The following PCDHB2 variants were observed in gnomAD, a reference collection of about 807,000 sequenced individuals.
PCDHB2 encodes the protein protocadherin beta 2.
For synonymous variants in PCDHB2, 395 were observed against 464.9 expected (o/e 0.85, Z 1.93); for missense variants, 914 against 1,023.1 (o/e 0.89, Z 1.45).
Position 141,096,994 on chromosome 5 carries a change from C to T in PCDHB2, c.2204C>T (p.Pro735Leu), listed in dbSNP as rs1751848095. ...GRCSVPEGPF[P>L]GQMVDVSGTG... is the part of the protein sequence containing the mutation. ...TGCTCGGTGCCCGAGGGCCCCTTTCCAGGGCAGATGGTGGACGTGAGCGGC... is the reference window on the plus strand; with the variant it reads ...TGCTCGGTGCCCGAGGGCCCCTTTCTAGGGCAGATGGTGGACGTGAGCGGC... The change falls in exon 1 of 1, where the codon CCA becomes CTA. Residue 735 changes from proline to leucine, a missense_variant. By Grantham distance (98) the Pro-to-Leu change is moderately conservative. Transcript: ENST00000194155. The T allele has an allele frequency of 1.2e-6, 2 of 1,613,324 alleles. No homozygotes were observed. Among genetic ancestry groups the T allele is most frequent in the Admixed American group, 1.7e-5 (1 of 59,992 alleles).
Position 141,095,909 on chromosome 5 carries a change from A to G in PCDHB2, c.1119A>G (p.Ser373=). 2.5e-6 allele frequency: 4 copies of G among 1,614,158 alleles called. No homozygotes were observed. Among genetic ancestry groups the G allele is most frequent in the Non-Finnish European group, 3.4e-6 (4 of 1,180,012 alleles). Residue 373 remains serine (S), a synonymous_variant, in exon 1 of 1, where the codon TCA becomes TCG. Transcript: ENST00000194155. ...CCCTCATTGCTGTATTCAGCGTTTCAGATCCTGACTCCGGAGACAACGGAA... is the reference window on the plus strand; with the variant it reads ...CCCTCATTGCTGTATTCAGCGTTTCGGATCCTGACTCCGGAGACAACGGAA... ...QDTLIAVFSV[S]DPDSGDNGRM... is the part of the protein sequence containing the mutation.
chr5:141,095,439 C>T lies in PCDHB2; in HGVS notation c.649C>T (p.Leu217=), dbSNP rs782024996. The T allele has an allele frequency of 1.2e-6, 2 of 1,614,132 alleles. No homozygotes were observed. Among genetic ancestry groups the T allele is most frequent in the Admixed American group, 3.3e-5 (2 of 60,034 alleles). Reference sequence around the variant, plus strand: ...TGAGATCAGGTTAACCCTCACAGCGCTAGATGGCGGGAGTCCACCCAGGTC... The same window carrying T: ...TGAGATCAGGTTAACCCTCACAGCGTTAGATGGCGGGAGTCCACCCAGGTC... ...QPEIRLTLTA[L]DGGSPPRSGT... The change falls in exon 1 of 1, where the codon CTA becomes TTA. Residue 217 remains leucine, a synonymous_variant. Transcript: ENST00000194155.
chr5:141,095,891 T>G lies in PCDHB2; in HGVS notation c.1101T>G (p.Ile367Met). 6.2e-7 allele frequency: 1 copy of G among 1,614,096 alleles called. No homozygotes were observed. Among genetic ancestry groups the G allele is most frequent in the Non-Finnish European group, 8.5e-7 (1 of 1,179,976 alleles). The stretch of plus-strand genomic sequence containing the variant: ...CAGAAAACTTGCAGGACACCCTCAT[T>G]GCTGTATTCAGCGTTTCAGATCCTG... ...QIPENLQDTLIAVFSVSDPDS... is the reference protein window; with the variant it reads ...QIPENLQDTLMAVFSVSDPDS... Residue 367 changes from isoleucine to methionine, a missense_variant, in exon 1 of 1, where the codon ATT becomes ATG. Ile to Met is a conservative substitution (Grantham distance 10, BLOSUM62 1). Transcript: ENST00000194155.
rs1751868329 is a variant in PCDHB2, at chr5:141,097,933, A to T, written c.*746A>T. ...AGGTTGGTCTTGAACTCCTGACCTT[A>T]GGTGATCTGCCCACCTCAGCCTCCC... On this transcript the variant is annotated 3_prime_UTR_variant, in exon 1 of 1. Transcript: ENST00000194155. 1.3e-5 allele frequency: 2 copies of T among 152,270 alleles called. No individual in the cohort carries two copies. The highest frequency in any genetic ancestry group is 1.9e-4 in the East Asian group (1 of 5,196). The allele number at this position is 152,270 out of a possible 1,614,324, so 9.4% of individuals were successfully genotyped here. A position where few individuals can be genotyped will look rare whatever the true frequency, so the allele number is the denominator to read the frequency against.
In PCDHB2 at chr5:141,096,520, T is replaced by C. The variant is rs1450586918; in HGVS notation, c.1730T>C (p.Leu577Pro). The C allele has an allele frequency of 7.5e-6, 12 of 1,607,276 alleles. No individual in the cohort carries two copies. The highest frequency in any genetic ancestry group is 4.0e-5 in the African/African-American group (3 of 74,760). Reference sequence around the variant, plus strand: ...AACGGCTCCGCGCCCTGCACCGAGCTGGTGCCCCGGGCGGCCGAGCCGGGC... The same window carrying C: ...AACGGCTCCGCGCCCTGCACCGAGCCGGTGCCCCGGGCGGCCGAGCCGGGC... ...LQNGSAPCTE[L>P]VPRAAEPGYL... is the part of the protein sequence containing the mutation. The change falls in exon 1 of 1, where the codon CTG becomes CCG. Residue 577 changes from leucine to proline, a missense_variant. Transcript: ENST00000194155.
rs1751871094 is a variant in PCDHB2 at position 141,098,098 on chromosome 5, A to G, written c.*911A>G. On this transcript the variant is annotated 3_prime_UTR_variant, in exon 1 of 1. Transcript: ENST00000194155. ...TTGGATTCTACAAGGCACTAACATC[A>G]TAAGTGCTCTAATAAATTTTTGTCA... 1 of 152,172 alleles carries G rather than the reference A, an allele frequency of 6.6e-6. No homozygotes were observed. The allele number at this position is 152,172 out of a possible 1,614,324, so 9.4% of individuals were successfully genotyped here. A position where few individuals can be genotyped will look rare whatever the true frequency, so the allele number is the denominator to read the frequency against.
chr5:141,095,070 C>A lies in PCDHB2; in HGVS notation c.280C>A (p.Arg94=), dbSNP rs1554271152. ...TTTGTTGTTAAATGAGAAATTGGACCGGGAGGAGCTGTGCGGCCCCACAGA... is the reference window on the plus strand; with the variant it reads ...TTTGTTGTTAAATGAGAAATTGGACAGGGAGGAGCTGTGCGGCCCCACAGA... ...GDLLLNEKLD[R]EELCGPTEPC... Residue 94 remains arginine (R), a synonymous_variant, in exon 1 of 1, where the codon CGG becomes AGG. Coordinates refer to ENST00000194155, the MANE Select transcript of PCDHB2 (RefSeq NM_018936.4). 1.2e-6 allele frequency: 2 copies of A among 1,613,988 alleles called. No individual in the cohort carries two copies. Among genetic ancestry groups the A allele is most frequent in the South Asian group, 1.1e-5 (1 of 91,062 alleles).
In PCDHB2 at chr5:141,094,922, C is replaced by T. The variant is rs1751767350; in HGVS notation, c.132C>T (p.Gly44=). The change falls in exon 1 of 1, where the codon GGC becomes GGT. Residue 44 remains glycine, a synonymous_variant. Transcript: ENST00000194155. ...CAGTGGCCGAGGAAACGGAGAGTGG[C>T]TCCTTTGTGGCCAATTTGTTAAAAG... is the stretch of plus-strand genomic sequence containing the variant. ...HYSVAEETES[G]SFVANLLKDL... The T allele has an allele frequency of 1.2e-6, 2 of 1,614,154 alleles. No homozygotes were observed. Among genetic ancestry groups the T allele is most frequent in the African/African-American group, 2.7e-5 (2 of 75,046 alleles).
rs782052976 is a variant in PCDHB2, at chr5:141,095,373, C to A, written c.583C>A (p.Gln195Lys). Residue 195 changes from glutamine (Q) to lysine (K), a missense_variant, in exon 1 of 1, where the codon CAG becomes AAG. Transcript: ENST00000194155. ...QDSLDGIILP[Q>K]LVLNRALDRE... ...CAGTCTCGATGGCATAATATTACCA[C>A]AGCTGGTGCTGAACAGAGCCCTGGA... 40 of 1,613,934 alleles carry A rather than the reference C, an allele frequency of 2.5e-5. No individual in the cohort carries two copies. The highest frequency in any genetic ancestry group is 3.3e-5 in the Non-Finnish European group (39 of 1,179,876).
rs2021047 is a variant in PCDHB2 at position 141,096,701 on chromosome 5, T to G, written c.1911T>G (p.Ala637=). The G allele has an allele frequency of 2.4e-5, 38 of 1,610,410 alleles. No homozygotes were observed. The highest frequency in any genetic ancestry group is 2.0e-4 in the East Asian group (9 of 44,856). ...CCAGGCTGCTGAGGGAGCGCGACGC[T>G]GCCAAGCAGAGGCTGGTGGTGCTGG... is the stretch of plus-strand genomic sequence containing the variant. ...RTARLLRERD[A]AKQRLVVLVK... The change falls in exon 1 of 1, where the codon GCT becomes GCG. Residue 637 remains alanine (A), a synonymous_variant. Transcript: ENST00000194155.
chr5:141,096,531 G>A lies in PCDHB2; in HGVS notation c.1741G>A (p.Ala581Thr), dbSNP rs1751830706. Residue 581 changes from alanine (A) to threonine (T), a missense_variant, in exon 1 of 1, where the codon GCG (alanine) becomes ACG (threonine). By Grantham distance (58) the Ala-to-Thr change is moderately conservative. Coordinates refer to ENST00000194155, the MANE Select transcript of PCDHB2 (RefSeq NM_018936.4). Reference protein sequence around the residue: ...SAPCTELVPRAAEPGYLVTKV... With the variant: ...SAPCTELVPRTAEPGYLVTKV... Reference sequence around the variant, plus strand: ...GCCCTGCACCGAGCTGGTGCCCCGGGCGGCCGAGCCGGGCTACCTGGTGAC... The same window carrying A: ...GCCCTGCACCGAGCTGGTGCCCCGGACGGCCGAGCCGGGCTACCTGGTGAC... 2 of 1,606,802 alleles carry A rather than the reference G, an allele frequency of 1.2e-6. No individual in the cohort carries two copies. Among genetic ancestry groups the A allele is most frequent in the Non-Finnish European group, 8.5e-7 (1 of 1,177,638 alleles).
chr5:141,094,773 G>C lies in PCDHB2; in HGVS notation c.-18G>C. ...GTGAGCCAGAGCTGGAGCACGTTTG[G>C]TGAGAGACCAGAAAGCAATGGAGGC... On this transcript the variant is annotated 5_prime_UTR_variant, in exon 1 of 1. Transcript: ENST00000194155. 1 of 1,532,354 alleles carries C rather than the reference G, an allele frequency of 6.5e-7. No individual in the cohort carries two copies. The allele number at this position is 1,532,354 out of a possible 1,614,324, so 94.9% of individuals were successfully genotyped here.
rs1403987584 is a variant in PCDHB2 at position 141,097,534 on chromosome 5, C to T, written c.*347C>T. The T allele has an allele frequency of 2.1e-5, 4 of 193,344 alleles. No individual in the cohort carries two copies. The highest frequency in any genetic ancestry group is 9.4e-5 in the African/African-American group (4 of 42,342). 12.0% of individuals were successfully genotyped at this position (193,344 alleles called of 1,614,324 possible). On this transcript the variant is annotated 3_prime_UTR_variant, in exon 1 of 1. Transcript: ENST00000194155. ...TCCTACATTTGAAAATATTTGTTAT[C>T]ATTACATGAGTTATATTTTCCAGCC...
Sources: allele counts gnomAD v4.1 joint callset, GRCh38; gene constraint gnomAD v4.1.1; transcripts MANE v1.5; gene names NCBI Gene and HGNC (gene_info 2026-07-23, HGNC 2026-07-21).